FMNL3: variants seen among roughly 807,000 people sequenced by gnomAD.
FMNL3 encodes the protein formin like 3, also known as formin-like protein 3.
In FMNL3, 57 loss-of-function variants were observed where a neutral mutation model predicts 119.6. That is an observed-to-expected ratio of 0.48 (90% CI 0.39 to 0.59). FMNL3 has a LOEUF of 0.59. FMNL3 is among the 20% of genes least tolerant of loss of function. The probability of loss-of-function intolerance (pLI) is 0.00; values close to 1 mark genes in which losing one functional copy is unlikely to be tolerated. For synonymous variants in FMNL3, 491 were observed against 507.3 expected, an observed-to-expected ratio of 0.97 and a Z score of 0.43; for missense variants, 1,053 against 1,323.5, an observed-to-expected ratio of 0.80 and a Z score of 3.17.
chr12:49,641,969 T>C lies in FMNL3; in HGVS notation c.*3846A>G. 2 of 1,613,958 alleles carry C rather than the reference T, an allele frequency of 1.2e-6. No homozygotes were observed. Among genetic ancestry groups the C allele is most frequent in the Non-Finnish European group, 1.7e-6 (2 of 1,180,040 alleles). On this transcript the variant is annotated 3_prime_UTR_variant, in exon 26 of 26. Transcript: ENST00000335154. The stretch of plus-strand genomic sequence containing the variant: ...GAGGACTTCGCCCACGTCATAAGCT[T>C]TGACAAGAGGGCTGCCGCACTGGAC...
chr12:49,683,122 T>C (rs1014814130), intron 1 of FMNL3, among the ~76,000 whole-genome samples: 1 of 152,242 alleles, frequency 6.6e-6, no homozygotes, highest in Admixed American at 6.5e-5. Context: ...TCTCTCCTTG[T>C]GACCTTACAT....
intron 1 of FMNL3, among the ~76,000 whole-genome samples, chr12:49,686,045 C>T (rs369845011): frequency 3.3e-5 from 5 of 152,094 alleles, no homozygotes; most frequent in East Asian, 1.9e-4. Context: ...CCACCCTGGG[C>T]GACAGAGCGA....
Position 49,642,590 on chromosome 12 carries a change from G to A in FMNL3, c.*3225C>T, listed in dbSNP as rs372107263. ...CTCTCCTCGTTCAAGGTCCGTGAGC[G>A]TTTTGTGTGTGACTCAGCCTTTGAG... On this transcript the variant is annotated 3_prime_UTR_variant, in exon 26 of 26. Transcript: ENST00000335154. The surrounding 1 kb of genome is among the most constrained non-coding windows in gnomAD (Gnocchi z 5.8). The A allele has an allele frequency of 4.0e-5, 65 of 1,614,230 alleles. No individual in the cohort carries two copies. Among genetic ancestry groups the A allele is most frequent in the Middle Eastern group, 3.3e-4 (2 of 6,062 alleles).
In FMNL3 at chr12:49,653,233, C is replaced by A; in HGVS notation, c.1316G>T (p.Ser439Ile). Residue 439 changes from serine (S) to isoleucine (I), a missense_variant, in exon 13 of 26, where the codon AGC becomes ATC. Physicochemically the swap from Ser to Ile is moderately radical, Grantham distance 142. Around this residue, in one of 4 missense-constraint regions of FMNL3, gnomAD observed 445 missense variants for 628.4 expected, o/e 0.71. Transcript: ENST00000335154. ...QLLQREKELE[S>I]IKETYENTSH... is the part of the protein sequence containing the mutation. ...TCCCCAGAGTACTTGTACCTTGATG[C>A]TCTCTAGTTCCTTCTCCCGCTGTAG... The A allele has an allele frequency of 1.2e-6, 2 of 1,614,068 alleles. No individual in the cohort carries two copies. The highest frequency in any genetic ancestry group is 1.7e-6 in the Non-Finnish European group (2 of 1,180,008).
At chr12:49,659,126 G>A (rs750669419) in intron 5 of FMNL3, among the ~76,000 whole-genome samples, 2 of 152,252 alleles carry the variant, frequency 1.3e-5, no homozygotes, top group Non-Finnish European at 2.9e-5. Flanking sequence ...GGAAGGGAAA[G>A]GGGGTTCTGG....
At chr12:49,700,093 C>T (rs540142949) in intron 1 of FMNL3, among the ~76,000 whole-genome samples, 24 of 152,220 alleles carry the variant, frequency 1.6e-4, no homozygotes, top group South Asian at 8.3e-4. Context: ...TTATTTGTAA[C>T]AGCAAAAAAA....
At chr12:49,653,173 A>G in intron 13 of FMNL3, 53 bp downstream of exon 13, 6 of 1,533,526 alleles carry the variant, frequency 3.9e-6, no homozygotes, top group Non-Finnish European at 5.4e-6. Flanking sequence ...CAGAACCCCA[A>G]GGCGCTGGAG....
chr12:49,639,758 G>C lies in FMNL3; in HGVS notation c.*6057C>G, dbSNP rs975456871. ...GAATTGATAGATTTTGTGAAATGGA[G>C]GGAAAGGAAGGAATCAGAGGTGTCA... On this transcript the variant is annotated 3_prime_UTR_variant, in exon 26 of 26. Coordinates refer to ENST00000335154, the MANE Select transcript of FMNL3 (RefSeq NM_175736.5). The C allele has an allele frequency of 3.0e-4, 46 of 152,260 alleles. No individual in the cohort carries two copies. Among genetic ancestry groups the C allele is most frequent in the African/African-American group, 1.1e-3 (46 of 41,542 alleles). 9.4% of individuals were successfully genotyped at this position (152,260 alleles called of 1,614,324 possible).
Position 49,666,224 on chromosome 12 carries a change from C to A in FMNL3, c.211-17G>T, listed in dbSNP as rs375633021. On this transcript the variant is annotated splice_polypyrimidine_tract_variant and intron_variant, in intron 2 of 25. Coordinates refer to ENST00000335154, the MANE Select transcript of FMNL3 (RefSeq NM_175736.5). The stretch of plus-strand genomic sequence containing the variant: ...GAATCGTTCCTGTAAGGGAAACATG[C>A]ATATGCGTATCCACAAAGACAACCA... The A allele has an allele frequency of 1.2e-5, 19 of 1,607,394 alleles. No individual in the cohort carries two copies. Among genetic ancestry groups the A allele is most frequent in the Non-Finnish European group, 1.6e-5 (19 of 1,175,424 alleles).
chr12:49,666,327 C>A, intron 2 of FMNL3, 120 bp from the exon 3 acceptor site: 1 of 830,698 alleles, frequency 1.2e-6, no homozygotes, highest in Non-Finnish European at 1.9e-6. Flanking sequence ...TCCAAGTTGT[C>A]ACCTGGCTCT....
In FMNL3 at chr12:49,640,424, T is replaced by G. The variant is rs1054997531; in HGVS notation, c.*5391A>C. The stretch of plus-strand genomic sequence containing the variant: ...AGAGAATAAAAGGTCAGAGAGGGTG[T>G]GACCTGGAGAGGGGAGTGTTGAAGA... On this transcript the variant is annotated 3_prime_UTR_variant, in exon 26 of 26. Transcript: ENST00000335154. The G allele has an allele frequency of 6.6e-6, 1 of 152,184 alleles. No homozygotes were observed. Among genetic ancestry groups the G allele is most frequent in the Non-Finnish European group, 1.5e-5 (1 of 68,062 alleles). The allele number at this position is 152,184 out of a possible 1,614,324, so 9.4% of individuals were successfully genotyped here.
rs144261218 is a variant in FMNL3, at chr12:49,703,452, G to A, written c.126+3603C>T. ...CCAACAGAATGGGAAGTGCTACTCA[G>A]ATAGGGGGTAAGGAAGGATGCCAAG... On this transcript the variant is annotated intron_variant, in intron 1 of 25. Transcript: ENST00000335154. 2.0e-5 allele frequency among the ~76,000 whole-genome samples: 3 copies of A among 152,304 alleles called. No individual in the cohort carries two copies. The East Asian group carries it at 5.8e-4, about 29-fold the overall frequency.
At chr12:49,652,859 A>G (rs1212779962) in intron 13 of FMNL3, among the ~76,000 whole-genome samples, 1 of 152,184 alleles carries the variant, frequency 6.6e-6, no homozygotes, top group Non-Finnish European at 1.5e-5. Context: ...ATCCTAATAC[A>G]CAGAGCACTT....
Position 49,707,101 on chromosome 12 carries a change from G to T in FMNL3, c.80C>A (p.Pro27Gln), listed in dbSNP as rs767446889. The change falls in exon 1 of 26, where the codon CCG becomes CAG. Residue 27 changes from proline to glutamine, a missense_variant. By Grantham distance (76) the Pro-to-Gln change is moderately conservative. Around this residue, in one of 4 missense-constraint regions of FMNL3, gnomAD observed 264 missense variants for 265.5 expected, o/e 0.99. Coordinates refer to ENST00000335154, the MANE Select transcript of FMNL3 (RefSeq NM_175736.5). Reference protein sequence around the residue: ...VPLLLPPGKMPMPEPCELEER... With the variant: ...VPLLLPPGKMQMPEPCELEER... ...CTCCAGCTCACAGGGCTCAGGCATC[G>T]GCATCTTGCCGGGCGGCAGCAACAA... 2 of 1,602,142 alleles carry T rather than the reference G, an allele frequency of 1.2e-6. No homozygotes were observed. Among genetic ancestry groups the T allele is most frequent in the East Asian group, 2.3e-5 (1 of 43,914 alleles).
At position 49,649,807 on chromosome 12, in the gene FMNL3, A is replaced by G. The variant is rs1392127904; in HGVS notation, c.2119T>C (p.Leu707=). Residue 707 remains leucine, a synonymous_variant, in exon 18 of 26, where the codon TTG becomes CTG. Transcript: ENST00000335154. The surrounding 1 kb of genome is among the most constrained non-coding windows in gnomAD (Gnocchi z 5.6). The part of the protein sequence containing the change: ...YERERQPLEE[L]AAEDRFMLLF... ...AGCATGAAGCGGTCCTCAGCTGCCA[A>G]CTCCTCCAGGGGCTGCCGCTCCCGC... The G allele has an allele frequency of 7.4e-6, 12 of 1,613,776 alleles. No individual in the cohort carries two copies. Among genetic ancestry groups the G allele is most frequent in the Non-Finnish European group, 1.0e-5 (12 of 1,179,988 alleles).
chr12:49,651,175 A>T lies in FMNL3; in HGVS notation c.1790T>A (p.Ile597Asn), dbSNP rs748515475. 2 of 1,613,054 alleles carry T rather than the reference A, an allele frequency of 1.2e-6. No homozygotes were observed. Among genetic ancestry groups the T allele is most frequent in the Non-Finnish European group, 8.5e-7 (1 of 1,179,104 alleles). ...GACCCCAGGCCCTGTTACCTCCAAGATCTTCTCATCATCAAGTTCGCTGAA... is the reference window on the plus strand; with the variant it reads ...GACCCCAGGCCCTGTTACCTCCAAGTTCTTCTCATCATCAAGTTCGCTGAA... ...TVFSELDDEKILEDLDLDKFE... is the reference protein window; with the variant it reads ...TVFSELDDEKNLEDLDLDKFE... Residue 597 changes from isoleucine to asparagine, a missense_variant, in exon 16 of 26, where the codon ATC becomes AAC. Around this residue, in one of 4 missense-constraint regions of FMNL3, gnomAD observed 445 missense variants for 628.4 expected, o/e 0.71. Coordinates refer to ENST00000335154, the MANE Select transcript of FMNL3 (RefSeq NM_175736.5).
intron 21 of FMNL3, 57 bp from the exon 22 acceptor site, chr12:49,648,410 G>A (rs1331530875): frequency 1.9e-6 from 3 of 1,548,468 alleles, no homozygotes; most frequent in East Asian, 4.6e-5. Context: ...TCACCTCCCA[G>A]CCCAGAGCTA....
chr12:49,690,296 C>G (rs1015079339), intron 1 of FMNL3, among the ~76,000 whole-genome samples: 1 of 152,016 alleles, frequency 6.6e-6, no homozygotes, highest in Non-Finnish European at 1.5e-5. Flanking sequence ...ACAGCAGGCA[C>G]CTATGACGTA....
rs11169099 is a variant in FMNL3 at position 49,670,291 on chromosome 12, A to G, written c.127-1737T>C. On this transcript the variant is annotated intron_variant, in intron 1 of 25. Coordinates refer to ENST00000335154, the MANE Select transcript of FMNL3 (RefSeq NM_175736.5). ...TTCGATGGAACCAAAAGAAAATCCC[A>G]AACATTTATTCTGTCATATTATCTA... Among the ~76,000 whole-genome samples the G allele has an allele frequency of 4.5e-3, 678 of 152,344 alleles. 1 individual carries two copies. The highest frequency in any genetic ancestry group is 0.016 in the African/African-American group (656 of 41,566).
Sources: gnomAD v4.1 joint callset for allele counts (sites outside exome capture counted in the v4.1 genomes callset) on GRCh38, gnomAD v4.1.1 for gene constraint, gnomAD v4.1.1 regional missense constraint, Gnocchi (gnomAD v3.1) non-coding constraint, MANE v1.5 for transcripts, NCBI Gene and HGNC (gene_info 2026-07-23, HGNC 2026-07-21) for gene names.